Variants in TMEM63A observed in about 807,000 individuals in gnomAD.
The protein encoded by TMEM63A is transmembrane protein 63A.
A neutral mutation model predicts 100.6 loss-of-function variants in TMEM63A; 76 were observed. The observed-to-expected ratio is 0.76, with a 90% CI of 0.63 to 0.91. TMEM63A has a LOEUF of 0.91. TMEM63A is among the 40% of genes least tolerant of loss of function. The pLI, the probability that TMEM63A is intolerant of heterozygous loss-of-function variation, is 0.00. For missense variants in TMEM63A, 876 were observed against 1,008.8 expected (o/e 0.87, Z 1.78); for synonymous variants, 401 against 401.1 (o/e 1.00, Z 0.00).
At chr1:225,855,714 C>T (rs1025385625) in intron 18 of TMEM63A, among the ~76,000 whole-genome samples, 164 bp downstream of exon 18, 1 of 152,188 alleles carries the variant, frequency 6.6e-6, no homozygotes, top group Non-Finnish European at 1.5e-5. Context: ...CTACCAGAAA[C>T]CTGGCAGGGT....
intron 23 of TMEM63A, 54 bp downstream of exon 23, chr1:225,848,438 C>A (rs569961949): frequency 8.1e-6 from 13 of 1,602,824 alleles, no homozygotes; most frequent in Admixed American, 3.4e-5. Flanking sequence ...GGGACTGTTA[C>A]AACCAAAGCA....
downstream of TMEM63A, among the ~76,000 whole-genome samples, chr1:225,840,724 A>G (rs1668326289): frequency 6.6e-6 from 1 of 152,200 alleles, no homozygotes; most frequent in South Asian, 2.1e-4. Flanking sequence ...GCTCAATGAC[A>G]AGGAAAGATG....
chr1:225,845,449 C>G, downstream of TMEM63A: 9 of 1,287,588 alleles, frequency 7.0e-6, no homozygotes, highest in Non-Finnish European at 9.6e-6. Context: ...GCCTCCGTCC[C>G]CTGCCCATGC....
In TMEM63A at chr1:225,859,382, C is replaced by T. The variant is rs1369579040; in HGVS notation, c.1224-33G>A. ...GGGAGAGGGGATACAGGTCTCGAGGCTTGTCTCCCAGTGCTCGTGGCTTAG... is the reference window on the plus strand; with the variant it reads ...GGGAGAGGGGATACAGGTCTCGAGGTTTGTCTCCCAGTGCTCGTGGCTTAG... On this transcript the variant is annotated intron_variant, in intron 14 of 24. Coordinates refer to ENST00000366835, the MANE Select transcript of TMEM63A (RefSeq NM_014698.3). 4 of 1,611,152 alleles carry T rather than the reference C, an allele frequency of 2.5e-6. No individual in the cohort carries two copies. The Admixed American group carries it at 5.0e-5, about 20-fold the overall frequency.
At chr1:225,840,700 A>C (rs116430388), downstream of TMEM63A, among the ~76,000 whole-genome samples, 1 of 152,336 alleles carries the variant, frequency 6.6e-6, no homozygotes, top group Non-Finnish European at 1.5e-5. Flanking sequence ...TACAATTCAC[A>C]GAACTGTAAA....
rs201203652 is a variant in TMEM63A at position 225,867,866 on chromosome 1, C to T, written c.514+22G>A. 488 of 1,613,868 alleles carry T rather than the reference C, an allele frequency of 3.0e-4. No homozygotes were observed. Among genetic ancestry groups the T allele is most frequent in the Admixed American group, 5.5e-4 (33 of 60,004 alleles). ...CCACTCTGCCCCATTACAACATAGA[C>T]AAGGGTGAGGAGGGTCATTACCCAG... is the stretch of plus-strand genomic sequence containing the variant. On this transcript the variant is annotated intron_variant, in intron 7 of 24. Transcript: ENST00000366835. This position sits in a 1 kb window ranked among gnomAD's most constrained non-coding sequence, Gnocchi z 4.6.
downstream of TMEM63A, chr1:225,844,597 G>C: frequency 6.2e-7 from 1 of 1,614,148 alleles, no homozygotes; most frequent in Non-Finnish European, 8.5e-7. Context: ...ACCTGGGACA[G>C]GGCTGGATGA....
rs1669485083 is a variant in TMEM63A at position 225,853,951 on chromosome 1, T to C, written c.1635-160A>G. The stretch of plus-strand genomic sequence containing the variant: ...AAACACATCTGTGTGCCAAGCACCT[T>C]TCTAGGCACTGAGAATAGAACAAAG... On this transcript the variant is annotated intron_variant, in intron 18 of 24. Coordinates refer to ENST00000366835, the MANE Select transcript of TMEM63A (RefSeq NM_014698.3). This position sits in a 1 kb window ranked among gnomAD's most constrained non-coding sequence, Gnocchi z 4.0. Among the ~76,000 whole-genome samples, 1 of 152,116 alleles carries C rather than the reference T, an allele frequency of 6.6e-6. No homozygotes were observed. Among genetic ancestry groups the C allele is most frequent in the South Asian group, 2.1e-4 (1 of 4,826 alleles).
At chr1:225,856,443 G>A (rs1669618600) in intron 17 of TMEM63A, among the ~76,000 whole-genome samples, 2 of 150,010 alleles carry the variant, frequency 1.3e-5, no homozygotes, top group South Asian at 4.3e-4. Context: ...TGACCAATAT[G>A]GTGTTTTTTT....
chr1:225,869,820 G>C (rs1670412550), intron 6 of TMEM63A, among the ~76,000 whole-genome samples: 1 of 151,250 alleles, frequency 6.6e-6, no homozygotes, highest in Admixed American at 6.6e-5. Context: ...CCGCCACCAA[G>C]CCTGGCTAAT....
chr1:225,844,572 G>A (rs778643426), downstream of TMEM63A: 15 of 1,614,004 alleles, frequency 9.3e-6, no homozygotes, highest in East Asian at 6.7e-5. Flanking sequence ...TCCTCCCAGC[G>A]CTTCTACAAG....
chr1:225,858,567 C>T (rs958754759), intron 15 of TMEM63A, among the ~76,000 whole-genome samples: 34 of 152,048 alleles, frequency 2.2e-4, no homozygotes, highest in African/African-American at 6.3e-4. Context: ...TCAGGTGATC[C>T]GCCCACCTTG....
chr1:225,850,170 G>C (rs1669249102), intron 20 of TMEM63A, 91 bp from the exon 21 acceptor site: 1 of 1,484,784 alleles, frequency 6.7e-7, no homozygotes, highest in Non-Finnish European at 9.2e-7. Context: ...TTTTGGCAAG[G>C]AGCCAGGGCT....
downstream of TMEM63A, among the ~76,000 whole-genome samples, chr1:225,841,624 C>CA (rs933426701): frequency 1.7e-5 from 2 of 115,606 alleles, no homozygotes; most frequent in Non-Finnish European, 3.4e-5. Context: ...TTTTTTGAGA[C>CA]AGAGTCTTGC....
chr1:225,868,166 G>T, intron 6 of TMEM63A, 136 bp from the exon 7 acceptor site: 1 of 1,101,634 alleles, frequency 9.1e-7, no homozygotes, highest in Non-Finnish European at 1.3e-6. Flanking sequence ...TCACATATGA[G>T]GAAATAAAGG....
chr1:225,849,920 AGGAAGG>A lies in TMEM63A; in HGVS notation c.2057_2062del (p.Ser686_Phe687del), dbSNP rs1167514204. ...TCAGAAGGGCTGCTCACCCAGGCGCAGGAAGGAAAAGAAGTAGAGCCAGAAGAGGCA... is the reference window on the plus strand; with the variant it reads ...TCAGAAGGGCTGCTCACCCAGGCGCAAAAAGAAGTAGAGCCAGAAGAGGCA... On this transcript the variant is annotated inframe_deletion, in exon 21 of 25. Coordinates refer to ENST00000366835, the MANE Select transcript of TMEM63A (RefSeq NM_014698.3). The A allele has an allele frequency of 6.2e-7, 1 of 1,613,814 alleles. No homozygotes were observed. Among genetic ancestry groups the A allele is most frequent in the Non-Finnish European group, 8.5e-7 (1 of 1,179,946 alleles).
At chr1:225,843,445 C>A (rs545087759), downstream of TMEM63A, among the ~76,000 whole-genome samples, 1 of 152,208 alleles carries the variant, frequency 6.6e-6, no homozygotes, top group Admixed American at 6.5e-5. Flanking sequence ...TCACCTCCTC[C>A]AAGAGCCTCA....
chr1:225,848,638 A>T, intron 22 of TMEM63A, 84 bp from the exon 23 acceptor site: 5 of 1,405,498 alleles, frequency 3.6e-6, no homozygotes, highest in Non-Finnish European at 5.0e-6. Flanking sequence ...GACTATTAAC[A>T]CCCGGAATAA....
intron 13 of TMEM63A, chr1:225,861,248 G>A: frequency 3.0e-6 from 1 of 330,008 alleles, no homozygotes; most frequent in Non-Finnish European, 5.6e-6. Context: ...GAAACTGAGG[G>A]CAACACACTG....
Sources: gnomAD v4.1 joint callset for allele counts (sites outside exome capture counted in the v4.1 genomes callset) on GRCh38, gnomAD v4.1.1 for gene constraint, Gnocchi (gnomAD v3.1) non-coding constraint, MANE v1.5 for transcripts, NCBI Gene and HGNC (gene_info 2026-07-23, HGNC 2026-07-21) for gene names.